The following MAGI1 variants were observed in gnomAD, a reference collection of about 807,000 sequenced individuals.
MAGI1 encodes the protein membrane-associated guanylate kinase, WW and PDZ domain-containing protein 1.
MAGI1 carries 58 observed loss-of-function variants against 139.9 expected under a neutral mutation model. That is an observed-to-expected ratio of 0.41 (90% CI 0.34 to 0.52). The LOEUF is 0.52. MAGI1 is among the 20% of genes least tolerant of loss of function. The pLI, the probability that MAGI1 is intolerant of heterozygous loss-of-function variation, is 0.12. For missense variants in MAGI1, 1,874 were observed against 1,901.6 expected (o/e 0.99, Z 0.27); for synonymous variants, 812 against 737.9 (o/e 1.10, Z -1.63).
intron 1 of MAGI1, among the ~76,000 whole-genome samples, chr3:66,010,217 A>T (rs552138993): frequency 4.6e-5 from 7 of 152,254 alleles, no homozygotes; most frequent in African/African-American, 1.7e-4. Flanking sequence ...CAATAACACT[A>T]TGAAATGGGT....
intron 2 of MAGI1, among the ~76,000 whole-genome samples, chr3:65,514,612 C>A (rs1347499745): frequency 7.5e-6 from 1 of 133,438 alleles, no homozygotes; most frequent in Non-Finnish European, 1.6e-5. Flanking sequence ...CAATGAGATA[C>A]CATCTCACAC....
intron 1 of MAGI1, among the ~76,000 whole-genome samples, chr3:66,025,368 G>A (rs1417687726): frequency 7.2e-6 from 1 of 138,922 alleles, no homozygotes; most frequent in Non-Finnish European, 1.5e-5. Context: ...GTGAAACCCT[G>A]TCTCTACCCA....
At chr3:65,425,775 T>G (rs913740748) in intron 12 of MAGI1, among the ~76,000 whole-genome samples, 5 of 152,120 alleles carry the variant, frequency 3.3e-5, no homozygotes, top group Non-Finnish European at 1.5e-5. Context: ...CACCTACTGA[T>G]AGGTGTGAAT....
intron 8 of MAGI1, among the ~76,000 whole-genome samples, chr3:65,440,287 T>G (rs982788713): frequency 6.6e-5 from 10 of 152,162 alleles, no homozygotes; most frequent in Non-Finnish European, 1.3e-4. Context: ...TTTATTCATA[T>G]CTTATGAATA....
At chr3:65,581,846 TC>T (rs2081438514) in intron 2 of MAGI1, among the ~76,000 whole-genome samples, 1 of 152,184 alleles carries the variant, frequency 6.6e-6, no homozygotes, top group Non-Finnish European at 1.5e-5. Flanking sequence ...CTTACTGACC[TC>T]CAGCTAGAAT....
At chr3:65,721,631 G>T (rs1353292301) in intron 1 of MAGI1, among the ~76,000 whole-genome samples, 1 of 152,154 alleles carries the variant, frequency 6.6e-6, no homozygotes, top group African/African-American at 2.4e-5. Flanking sequence ...GAGGCAAATG[G>T]ATGCCTCTGG....
chr3:65,474,060 G>T (rs1950717986), intron 4 of MAGI1, among the ~76,000 whole-genome samples: 1 of 152,278 alleles, frequency 6.6e-6, no homozygotes, highest in Non-Finnish European at 1.5e-5. Flanking sequence ...GAGCCCAGGA[G>T]TTAGACACCA....
Position 65,841,036 on chromosome 3 carries a change from T to A in MAGI1, c.313+196960A>T, listed in dbSNP as rs76148468. On this transcript the variant is annotated intron_variant, in intron 1 of 22. Transcript: ENST00000402939. Reference sequence around the variant, plus strand: ...GTGCTTTTCAAAAAATTGGTCCATCTCATCTCAGTCATGAAATTGATATGC... The same window carrying A: ...GTGCTTTTCAAAAAATTGGTCCATCACATCTCAGTCATGAAATTGATATGC... Among the ~76,000 whole-genome samples, 1,061 of 152,310 alleles carry A rather than the reference T, an allele frequency of 7.0e-3. 9 individuals are homozygous for A. The highest frequency in any genetic ancestry group is 0.024 in the African/African-American group (1,002 of 41,566).
chr3:65,463,985 T>C (rs1053717096), intron 5 of MAGI1, among the ~76,000 whole-genome samples: 3 of 152,206 alleles, frequency 2.0e-5, no homozygotes, highest in African/African-American at 7.2e-5. Context: ...CCCTTTATCA[T>C]TTTTTATTGT....
rs1164388019 is a variant in MAGI1, at chr3:65,439,885, T to C, written c.1264A>G (p.Thr422Ala). The change falls in exon 9 of 23, where the codon ACA becomes GCA. Residue 422 changes from threonine (T) to alanine (A), a missense_variant. By Grantham distance (58) the Thr-to-Ala change is moderately conservative. Transcript: ENST00000402939. ...QQQQQQQQQQ[T>A]EEWTEDHSAL... ...CTAGAGGAAAGAGGCCAACCTTCTGTCTGCTGCTGCTGCTGCTGCTGCTGC... is the reference window on the plus strand; with the variant it reads ...CTAGAGGAAAGAGGCCAACCTTCTGCCTGCTGCTGCTGCTGCTGCTGCTGC... The C allele has an allele frequency of 3.8e-6, 6 of 1,584,784 alleles. No homozygotes were observed. The highest frequency in any genetic ancestry group is 5.2e-6 in the Non-Finnish European group (6 of 1,161,744).
intron 1 of MAGI1, among the ~76,000 whole-genome samples, chr3:65,923,226 C>CTT (rs72035925): frequency 0.02 from 2,811 of 139,930 alleles, 136 homozygotes; most frequent in African/African-American, 0.051. Context: ...CAACAGACAT[C>CTT]TTTTTTTTTT....
intron 1 of MAGI1, among the ~76,000 whole-genome samples, chr3:65,686,378 G>A (rs531512109): frequency 3.3e-5 from 5 of 152,172 alleles, no homozygotes; most frequent in South Asian, 2.1e-4. Flanking sequence ...TGCAACTTCC[G>A]CCTCCTGGAT....
At position 65,804,000 on chromosome 3, in the gene MAGI1, A is replaced by T. The variant is rs1333209745; in HGVS notation, c.314-181912T>A. On this transcript the variant is annotated intron_variant, in intron 1 of 22. Transcript: ENST00000402939. Reference sequence around the variant, plus strand: ...CTTAAACCTTTAAGACAATCATGATAGATTAACAAGAACCTAGCACAAACT... The same window carrying T: ...CTTAAACCTTTAAGACAATCATGATTGATTAACAAGAACCTAGCACAAACT... Among the ~76,000 whole-genome samples, 5 of 152,262 alleles carry T rather than the reference A, an allele frequency of 3.3e-5. No individual in the cohort carries two copies. The East Asian group carries it at 7.7e-4, about 23-fold the overall frequency.
At chr3:65,777,642 CA>C (rs11415226) in intron 1 of MAGI1, among the ~76,000 whole-genome samples, 2,265 of 117,036 alleles carry the variant, frequency 0.019, 45 homozygotes, top group African/African-American at 0.071. Flanking sequence ...ACTCTTATCA[CA>C]AAAAAAAAAA....
At chr3:65,641,714 G>C (rs186564754) in intron 1 of MAGI1, among the ~76,000 whole-genome samples, 6 of 152,142 alleles carry the variant, frequency 3.9e-5, no homozygotes, top group African/African-American at 1.4e-4. Flanking sequence ...ACAGCCCTGG[G>C]AATTTAAATC....
In MAGI1 at chr3:65,381,879, G is replaced by C. The variant is rs200362587; in HGVS notation, c.2699C>G (p.Ala900Gly). 1.2e-6 allele frequency: 2 copies of C among 1,606,740 alleles called. No homozygotes were observed. Among genetic ancestry groups the C allele is most frequent in the Admixed American group, 1.7e-5 (1 of 59,082 alleles). The change falls in exon 16 of 23, where the codon GCG becomes GGG. Residue 900 changes from alanine to glycine, a missense_variant and splice_region_variant. Around this residue, in one of 5 missense-constraint regions of MAGI1, gnomAD observed 482 missense variants for 509.6 expected, o/e 0.95. Transcript: ENST00000402939. The part of the protein sequence containing the change: ...NLTVRRKVVF[A>G]VPKTENEVPS... ...GAAGGAATGAATGAAATACATACCC[G>C]CAAAAACCACTTTACGCCGCACCGT...
In MAGI1 at chr3:65,857,766, T is replaced by C. The variant is rs550691801; in HGVS notation, c.313+180230A>G. ...GTGGTGCTGTAGTCTGCCACCCACA[T>C]AGATGGGACAGACACAGAAGGGCCT... is the stretch of plus-strand genomic sequence containing the variant. On this transcript the variant is annotated intron_variant, in intron 1 of 22. Transcript: ENST00000402939. 1.8e-3 allele frequency among the ~76,000 whole-genome samples: 268 copies of C among 152,250 alleles called. 1 individual carries two copies. Among genetic ancestry groups the C allele is most frequent in the Middle Eastern group, 3.4e-3 (1 of 294 alleles).
chr3:65,957,350 CAAAAAA>C (rs1174740233), intron 1 of MAGI1, among the ~76,000 whole-genome samples: 1 of 91,494 alleles, frequency 1.1e-5, no homozygotes, highest in Non-Finnish European at 2.1e-5. Context: ...CCTGTCTCTA[CAAAAAA>C]AAAAAAAAAA....
intron 1 of MAGI1, among the ~76,000 whole-genome samples, chr3:65,712,477 T>C (rs1206462514): frequency 6.8e-6 from 1 of 147,188 alleles, no homozygotes; most frequent in East Asian, 2.0e-4. Flanking sequence ...AAAAAAGCCA[T>C]GCGCGATAAT....
Sources: allele counts gnomAD v4.1 joint callset (sites outside exome capture counted in the v4.1 genomes callset), GRCh38; gene constraint gnomAD v4.1.1; regional missense constraint gnomAD v4.1.1; transcripts MANE v1.5; gene names NCBI Gene and HGNC (gene_info 2026-07-23, HGNC 2026-07-21).